The following LMBR1 variants were observed in gnomAD, a reference collection of about 807,000 sequenced individuals.
LMBR1 encodes limb region 1 protein homolog.
A neutral mutation model predicts 73.9 loss-of-function variants in LMBR1; 52 were observed. That is an observed-to-expected ratio of 0.70 (90% CI 0.56 to 0.89). The LOEUF (loss-of-function observed/expected upper bound fraction) is 0.89, where lower values mean the gene tolerates loss of function less well. LMBR1 is among the 40% of genes least tolerant of loss of function. The pLI is 0.00. For missense variants in LMBR1, 539 were observed against 579.8 expected (o/e 0.93, Z 0.72); for synonymous variants, 215 against 209.4 (o/e 1.03, Z -0.23).
chr7:156,880,793 C>G (rs1281137227), intron 1 of LMBR1, among the ~76,000 whole-genome samples: 1 of 152,112 alleles, frequency 6.6e-6, no homozygotes, highest in Non-Finnish European at 1.5e-5. Context: ...GCTGGGATTA[C>G]AGGCATGCGC....
intron 9 of LMBR1, 121 bp downstream of exon 9, chr7:156,756,272 T>C (rs1418786437): frequency 5.0e-6 from 3 of 598,460 alleles, no homozygotes; most frequent in Non-Finnish European, 8.8e-6. Flanking sequence ...TACTCTAAAG[T>C]GTTCTCCTCT....
intron 9 of LMBR1, among the ~76,000 whole-genome samples, chr7:156,750,299 T>C (rs1243382582): frequency 6.6e-6 from 1 of 150,452 alleles, no homozygotes; most frequent in Non-Finnish European, 1.5e-5. Context: ...TGTGTGTACG[T>C]GTGTGTGTGT....
intron 9 of LMBR1, among the ~76,000 whole-genome samples, chr7:156,741,523 A>C (rs1818892600): frequency 6.6e-6 from 1 of 152,214 alleles, no homozygotes; most frequent in Non-Finnish European, 1.5e-5. Flanking sequence ...CAGACAAAAT[A>C]GATTTCAAGA....
intron 5 of LMBR1, among the ~76,000 whole-genome samples, chr7:156,795,766 T>TGGTC (rs1829971038): frequency 1.3e-5 from 2 of 152,166 alleles, no homozygotes; most frequent in Non-Finnish European, 2.9e-5. Flanking sequence ...TTGCCCAAAC[T>TGGTC]GGTCTCGAAA....
At chr7:156,784,196 A>T in intron 5 of LMBR1, among the ~76,000 whole-genome samples, 1 of 150,816 alleles carries the variant, frequency 6.6e-6, no homozygotes. Flanking sequence ...TTGTCTACTA[A>T]CTCTTTGAGT....
intron 5 of LMBR1, 111 bp downstream of exon 5, chr7:156,796,278 C>G: frequency 1.5e-6 from 1 of 673,800 alleles, no homozygotes; most frequent in Non-Finnish European, 2.5e-6. Flanking sequence ...TTATTTACTA[C>G]GCATTTTTTA....
At chr7:156,859,684 C>T (rs1049074484) in intron 1 of LMBR1, among the ~76,000 whole-genome samples, 3 of 152,176 alleles carry the variant, frequency 2.0e-5, no homozygotes, top group African/African-American at 4.8e-5. Flanking sequence ...ATTCCACATT[C>T]ACAGAAGGAA....
chr7:156,842,583 T>C (rs1838914189), intron 1 of LMBR1, among the ~76,000 whole-genome samples: 1 of 152,198 alleles, frequency 6.6e-6, no homozygotes, highest in South Asian at 2.1e-4. Flanking sequence ...CAGCCCTTTC[T>C]CTTCCTCAAG....
chr7:156,834,059 T>C (rs1375769919), intron 2 of LMBR1, among the ~76,000 whole-genome samples: 2 of 152,086 alleles, frequency 1.3e-5, no homozygotes, highest in East Asian at 1.9e-4. Context: ...CTCAAGAAAA[T>C]AAAACTTAGT....
intron 15 of LMBR1, among the ~76,000 whole-genome samples, chr7:156,705,364 C>T (rs1585279195): frequency 6.6e-6 from 1 of 152,258 alleles, no homozygotes. Flanking sequence ...TCGAGACCAG[C>T]CTGGACAACA....
At chr7:156,890,470 C>T (rs965174494) in intron 1 of LMBR1, among the ~76,000 whole-genome samples, 1 of 152,096 alleles carries the variant, frequency 6.6e-6, no homozygotes, top group Non-Finnish European at 1.5e-5. Flanking sequence ...CAATATAATA[C>T]AAGTTATTCT....
chr7:156,817,249 C>G (rs1361429962), intron 4 of LMBR1, among the ~76,000 whole-genome samples: 1 of 151,894 alleles, frequency 6.6e-6, no homozygotes, highest in African/African-American at 2.4e-5. Context: ...TAGACAAAAG[C>G]CTTCATGAAT....
chr7:156,782,388 G>A (rs939207635), intron 5 of LMBR1, among the ~76,000 whole-genome samples: 11 of 152,068 alleles, frequency 7.2e-5, no homozygotes, highest in African/African-American at 2.2e-4. Context: ...TTAACAAATC[G>A]TCATATTGTT....
intron 9 of LMBR1, among the ~76,000 whole-genome samples, chr7:156,744,058 C>A (rs1025970721): frequency 6.6e-6 from 1 of 152,144 alleles, no homozygotes; most frequent in Admixed American, 6.5e-5. Context: ...TGAATGACAT[C>A]TTTGGGAATA....
In LMBR1 at chr7:156,833,930, T is replaced by A. The variant is rs1019058072; in HGVS notation, c.140-138A>T. 1.0e-5 allele frequency: 6 copies of A among 593,552 alleles called. No individual in the cohort carries two copies. In the African/African-American group the frequency reaches 1.1e-4, roughly 11 times the overall value. 36.8% of individuals were successfully genotyped at this position (593,552 alleles called of 1,614,324 possible). On this transcript the variant is annotated intron_variant, in intron 2 of 16. Transcript: ENST00000353442. ...CAATTTTCAAAAAGCACTGTATTTG[T>A]TTCAGCATAGATCCAAATTTAAATC...
chr7:156,848,276 C>G (rs921676813), intron 1 of LMBR1, among the ~76,000 whole-genome samples: 1 of 152,100 alleles, frequency 6.6e-6, no homozygotes, highest in African/African-American at 2.4e-5. Flanking sequence ...AAAGAAATAT[C>G]AACCGTAAAT....
rs1295982299 is a variant in LMBR1, at chr7:156,669,458, C to CCGTT, written n.867-175_867-172dup. Among the ~76,000 whole-genome samples the CCGTT allele has an allele frequency of 6.6e-6, 1 of 152,144 alleles. No homozygotes were observed. Among genetic ancestry groups the CCGTT allele is most frequent in the Non-Finnish European group, 1.5e-5 (1 of 68,018 alleles). ...CCTGAACCCAAATGGAGGAACCGTG[C>CCGTT]CGTTCCCTGGAACCTCTGTCCAGGC... On this transcript the variant is annotated intron_variant and non_coding_transcript_variant, in intron 4 of 4. Coordinates refer to the LMBR1 transcript ENST00000430825. The surrounding 1 kb of genome is among the most constrained non-coding windows in gnomAD (Gnocchi z 4.2).
At chr7:156,840,457 T>C (rs1324543360) in intron 1 of LMBR1, among the ~76,000 whole-genome samples, 2 of 151,786 alleles carry the variant, frequency 1.3e-5, no homozygotes, top group Non-Finnish European at 1.5e-5. Context: ...TCGGAGGCAA[T>C]AATGGCTCTG....
At chr7:156,789,035 G>A (rs151011007) in intron 5 of LMBR1, among the ~76,000 whole-genome samples, 4,835 of 152,084 alleles carry the variant, frequency 0.032, 123 homozygotes, top group South Asian at 0.085. Context: ...TGACAGAGCA[G>A]GACTCTGTCT....
Sources: gnomAD v4.1 joint callset for allele counts (sites outside exome capture counted in the v4.1 genomes callset) on GRCh38, gnomAD v4.1.1 for gene constraint, Gnocchi (gnomAD v3.1) non-coding constraint, MANE v1.5 for transcripts, NCBI Gene and HGNC (gene_info 2026-07-23, HGNC 2026-07-21) for gene names.